TTN: variants seen among roughly 807,000 people sequenced by gnomAD.
TTN encodes connectin.
TTN carries 1,525 observed loss-of-function variants against 3,223.0 expected under a neutral mutation model. The ratio of observed to expected loss-of-function variants is 0.47; its 90% CI spans 0.45 to 0.49. The LOEUF (loss-of-function observed/expected upper bound fraction) is 0.49, where lower values mean the gene tolerates loss of function less well. Ranked by LOEUF, TTN falls within the 20% of genes least tolerant of loss-of-function variation. The pLI is 0.00. For missense variants in TTN, 40,786 were observed against 43,424.0 expected (o/e 0.94, Z 5.40); for synonymous variants, 14,094 against 15,161.0 (o/e 0.93, Z 5.17).
At chr2:178,713,409 A>AAAAC (rs1304585212) in intron 92 of TTN, 37 bp from the exon 93 acceptor site, 28 of 1,462,926 alleles carry the variant, frequency 1.9e-5, no homozygotes, top group South Asian at 8.9e-5. Context: ...AAAACAAAAC[A>AAAAC]AAAAAAACAA....
intron 4 of TTN, among the ~76,000 whole-genome samples, 158 bp downstream of exon 4, chr2:178,800,237 A>G (rs572111830): frequency 1.2e-3 from 180 of 152,206 alleles, no homozygotes; most frequent in African/African-American, 4.0e-3. Context: ...CCTGACTAGA[A>G]TCTCAGGGAC....
At position 178,561,548 on chromosome 2, in the gene TTN, T is replaced by C; in HGVS notation, c.84584A>G (p.Glu28195Gly). The C allele has an allele frequency of 6.2e-7, 1 of 1,613,296 alleles. No homozygotes were observed. Among genetic ancestry groups the C allele is most frequent in the East Asian group, 2.2e-5 (1 of 44,768 alleles). The change falls in exon 326 of 363, where the codon GAA becomes GGA. Residue 28195 changes from glutamate (E) to glycine (G), a missense_variant. Transcript: ENST00000589042. ...TTTTGACCAAAGAATGCTGCTTCTTTCTTTATACTCAAGATGATAGCCAAT... is the reference window on the plus strand; with the variant it reads ...TTTTGACCAAAGAATGCTGCTTCTTCCTTTATACTCAAGATGATAGCCAAT... ...RVIGYHLEYKERSSILWSKAN... is the reference protein window; with the variant it reads ...RVIGYHLEYKGRSSILWSKAN...
intron 356 of TTN, 166 bp from the exon 357 acceptor site, chr2:178,536,741 G>T: frequency 1.2e-6 from 1 of 800,642 alleles, no homozygotes; most frequent in Non-Finnish European, 1.8e-6. Context: ...AAAAACCAAA[G>T]TTCTATTTTT....
In TTN at chr2:178,788,841, T is replaced by C. The variant is rs545359269; in HGVS notation, c.2076+519A>G. 7.2e-4 allele frequency among the ~76,000 whole-genome samples: 110 copies of C among 152,226 alleles called. 1 individual carries two copies. Among genetic ancestry groups the C allele is most frequent in the African/African-American group, 2.4e-3 (101 of 41,570 alleles). ...GTGGGAGCTGCTACAGCATGCATTA[T>C]AATTTTTTCAGCTTATCTTCTCCTC... On this transcript the variant is annotated intron_variant, in intron 13 of 362. Coordinates refer to ENST00000589042, the MANE Select transcript of TTN (RefSeq NM_001267550.2).
intron 2 of TTN, among the ~76,000 whole-genome samples, chr2:178,803,664 G>T (rs1010899811): frequency 1.3e-5 from 2 of 151,346 alleles, no homozygotes; most frequent in African/African-American, 4.9e-5. Context: ...AAAGAAGTGG[G>T]CAATGAACCA....
rs2077634946 is a variant in TTN, at chr2:178,717,320, T to C, written c.25414A>G (p.Ser8472Gly). 1 of 1,613,610 alleles carries C rather than the reference T, an allele frequency of 6.2e-7. No individual in the cohort carries two copies. Among genetic ancestry groups the C allele is most frequent in the Non-Finnish European group, 8.5e-7 (1 of 1,179,614 alleles). The change falls in exon 88 of 363, where the codon AGT becomes GGT. Residue 8472 changes from serine to glycine, a missense_variant. Coordinates refer to ENST00000589042, the MANE Select transcript of TTN (RefSeq NM_001267550.2). ...PVSVDLALGE[S>G]GTFKCHVTGT... ...GTTACATGACATTTAAAAGTACCAC[T>C]TTCTCCAAGAGCAAGATCTACTGAT... is the stretch of plus-strand genomic sequence containing the variant.
At chr2:178,754,986 A>G (rs1666627654) in intron 46 of TTN, among the ~76,000 whole-genome samples, 2 of 152,154 alleles carry the variant, frequency 1.3e-5, no homozygotes, top group African/African-American at 4.8e-5. Context: ...ATAGCACTGC[A>G]TTGCCCCCTT....
In TTN at chr2:178,549,458, G is replaced by C; in HGVS notation, c.92168C>G (p.Pro30723Arg). 6.2e-7 allele frequency: 1 copy of C among 1,604,664 alleles called. No homozygotes were observed. The highest frequency in any genetic ancestry group is 8.5e-7 in the Non-Finnish European group (1 of 1,173,714). ...TATGTTGCTAGGTTCTGGAATGCCA[G>C]GGGCATCAGGAACAGCTGTAAAACA... ...AQIQYTVPDA[P>R]GIPEPSNITG... Residue 30723 changes from proline to arginine, a missense_variant, in exon 339 of 363, where the codon CCT becomes CGT. Physicochemically the swap from Pro to Arg is moderately radical, Grantham distance 103. Coordinates refer to ENST00000589042, the MANE Select transcript of TTN (RefSeq NM_001267550.2).
chr2:178,790,659 CAAATG>C, intron 11 of TTN, 44 bp downstream of exon 11: 2 of 1,613,512 alleles, frequency 1.2e-6, no homozygotes, highest in Non-Finnish European at 1.7e-6. Flanking sequence ...AGGTGATTTG[CAAATG>C]AAATGGTGCA....
chr2:178,538,539 C>G lies in TTN; in HGVS notation c.99289+1G>C, dbSNP rs2154139165. 2 of 1,604,368 alleles carry G rather than the reference C, an allele frequency of 1.2e-6. No individual in the cohort carries two copies. Among genetic ancestry groups the G allele is most frequent in the African/African-American group, 1.3e-5 (1 of 74,776 alleles). ...TAAGTAGAGAACCAAAGGCTACTTACATGTGAGTTTAGTCTTTATAGACAT... is the reference window on the plus strand; with the variant it reads ...TAAGTAGAGAACCAAAGGCTACTTAGATGTGAGTTTAGTCTTTATAGACAT... On this transcript the variant is annotated splice_donor_variant, in intron 354 of 362. Coordinates refer to ENST00000589042, the MANE Select transcript of TTN (RefSeq NM_001267550.2). LOFTEE classifies it high-confidence loss of function.
rs372568082 is a variant in TTN, at chr2:178,552,644, A to T, written c.90256T>A (p.Cys30086Ser). Residue 30086 changes from cysteine (C) to serine (S), a missense_variant, in exon 335 of 363, where the codon TGT (cysteine) becomes AGT (serine). Cys to Ser is a moderately radical substitution (Grantham distance 112). Coordinates refer to ENST00000589042, the MANE Select transcript of TTN (RefSeq NM_001267550.2). ...TTAAGTTGGCTAACCTCAATTTCAC[A>T]TGTCTTACTTATGCCAGCGTGGGAC... ...TWSHAGISKT[C>S]EIEVSQLKEQ... 3 of 1,613,922 alleles carry T rather than the reference A, an allele frequency of 1.9e-6. No homozygotes were observed. The highest frequency in any genetic ancestry group is 2.5e-6 in the Non-Finnish European group (3 of 1,179,854).
In TTN at chr2:178,533,000, G is replaced by T. The variant is rs1689857236; in HGVS notation, c.103615C>A (p.Pro34539Thr). Residue 34539 changes from proline (P) to threonine (T), a missense_variant, in exon 358 of 363, where the codon CCT (proline) becomes ACT (threonine). Coordinates refer to ENST00000589042, the MANE Select transcript of TTN (RefSeq NM_001267550.2). ...EKKEERKLRM[P>T]YDVPEPRKYK... ...TTGCGTGGCTCTGGTACATCATAAG[G>T]CATCCGGAGTTTTCTCTCCTCCTTC... is the stretch of plus-strand genomic sequence containing the variant. 6.2e-7 allele frequency: 1 copy of T among 1,613,736 alleles called. No homozygotes were observed. The highest frequency in any genetic ancestry group is 8.5e-7 in the Non-Finnish European group (1 of 1,179,852).
At chr2:178,774,759 C>A (rs1434027739) in intron 29 of TTN, 162 bp downstream of exon 29, 2 of 898,310 alleles carry the variant, frequency 2.2e-6, no homozygotes, top group African/African-American at 1.7e-5. Context: ...AAATTGTTAA[C>A]ATTCTTAATT....
rs373140387 is a variant in TTN, at chr2:178,607,588, A to G, written c.53100T>C (p.Pro17700=). 6.2e-7 allele frequency: 1 copy of G among 1,613,214 alleles called. No homozygotes were observed. Among genetic ancestry groups the G allele is most frequent in the Non-Finnish European group, 8.5e-7 (1 of 1,179,392 alleles). ...LRIPAVVTGR[P]VPTKVWTKEE... Reference sequence around the variant, plus strand: ...CTTTGGTCCATACTTTTGTAGGTACAGGGCGACCAGTCACCACAGCTGGAA... The same window carrying G: ...CTTTGGTCCATACTTTTGTAGGTACGGGGCGACCAGTCACCACAGCTGGAA... The change falls in exon 277 of 363, where the codon CCT becomes CCC. Residue 17700 remains proline, a synonymous_variant. Transcript: ENST00000589042.
At chr2:178,773,751 G>A (rs1463428170) in intron 31 of TTN, 26 bp from the exon 32 acceptor site, 3 of 1,613,864 alleles carry the variant, frequency 1.9e-6, no homozygotes, top group African/African-American at 1.3e-5. Flanking sequence ...CACACAAGAT[G>A]AATGAATTTT....
Position 178,593,843 on chromosome 2 carries a change from G to C in TTN, c.58457C>G (p.Pro19486Arg). The change falls in exon 298 of 363, where the codon CCA (proline) becomes CGA (arginine). Residue 19486 changes from proline (P) to arginine (R), a missense_variant. Coordinates refer to ENST00000589042, the MANE Select transcript of TTN (RefSeq NM_001267550.2). ...VVDRPGPPVG[P>R]VSFDEVTKDY... ...TTTGGTCACCTCATCAAAACTAACT[G>C]GTCCTACTGGTGGTCCAGGACGGTC... The C allele has an allele frequency of 1.9e-6, 3 of 1,612,712 alleles. No homozygotes were observed. Among genetic ancestry groups the C allele is most frequent in the Non-Finnish European group, 2.5e-6 (3 of 1,179,490 alleles).
chr2:178,669,862 C>T (rs539259789), intron 157 of TTN, among the ~76,000 whole-genome samples, 187 bp from the exon 158 acceptor site: 3 of 152,122 alleles, frequency 2.0e-5, no homozygotes, highest in African/African-American at 7.2e-5. Context: ...TTCATTATAT[C>T]AGAAACACTT....
intron 170 of TTN, 40 bp downstream of exon 170, chr2:178,663,778 CA>C (rs1264564628): frequency 1.2e-6 from 2 of 1,610,508 alleles, no homozygotes; most frequent in Non-Finnish European, 1.7e-6. Flanking sequence ...TCTTCAAGAG[CA>C]AAAGAATGAG....
rs754456949 is a variant in TTN, at chr2:178,575,779, A to C, written c.70353T>G (p.Ser23451Arg). The change falls in exon 326 of 363, where the codon AGT becomes AGG. Residue 23451 changes from serine to arginine, a missense_variant. Coordinates refer to ENST00000589042, the MANE Select transcript of TTN (RefSeq NM_001267550.2). The surrounding 1 kb of genome is among the most constrained non-coding windows in gnomAD (Gnocchi z 4.0). ...GAGGGAGGTCCCAGTGCAGGGTGAC[A>C]CTGTCCTTTGTGATGTCTGTAGGCC... Reference protein sequence around the residue: ...NLRPTDITKDSVTLHWDLPLI... With the variant: ...NLRPTDITKDRVTLHWDLPLI... The C allele has an allele frequency of 6.2e-7, 1 of 1,613,158 alleles. No homozygotes were observed. Among genetic ancestry groups the C allele is most frequent in the Non-Finnish European group, 8.5e-7 (1 of 1,179,416 alleles).
Sources: allele counts gnomAD v4.1 joint callset (sites outside exome capture counted in the v4.1 genomes callset), GRCh38; gene constraint gnomAD v4.1.1; non-coding constraint Gnocchi (gnomAD v3.1); transcripts MANE v1.5; gene names NCBI Gene and HGNC (gene_info 2026-07-23, HGNC 2026-07-21).